Variants in RSPRY1 observed in about 807,000 individuals in gnomAD.
RSPRY1 encodes the protein RING finger and SPRY domain-containing protein 1.
Under a neutral mutation model 73.1 loss-of-function variants are expected in RSPRY1, and 23 were observed. The ratio of observed to expected loss-of-function variants is 0.31; its 90% CI spans 0.23 to 0.45. RSPRY1 has a LOEUF of 0.45. Ranked by LOEUF, RSPRY1 falls within the 20% of genes least tolerant of loss-of-function variation. The pLI, the probability that RSPRY1 is intolerant of heterozygous loss-of-function variation, is 1.00. For missense variants in RSPRY1, 448 were observed against 698.7 expected (o/e 0.64, Z 4.05); for synonymous variants, 226 against 251.4 (o/e 0.90, Z 0.95).
Position 57,239,088 on chromosome 16 carries a change from A to G in RSPRY1, c.*113A>G, listed in dbSNP as rs572575036. The G allele has an allele frequency of 2.3e-6, 1 of 442,730 alleles. No homozygotes were observed. 27.4% of individuals were successfully genotyped at this position (442,730 alleles called of 1,614,324 possible). On this transcript the variant is annotated 3_prime_UTR_variant, in exon 15 of 15. Coordinates refer to ENST00000394420, the MANE Select transcript of RSPRY1 (RefSeq NM_133368.3). ...TGTACACACATTGAAACTTATAGCC[A>G]TGGCCAGATTTTATGCTAAAAATGG...
rs1244659295 is a variant in RSPRY1 at position 57,216,978 on chromosome 16, C to A, written c.844C>A (p.Pro282Thr). 2.5e-6 allele frequency: 4 copies of A among 1,613,858 alleles called. No homozygotes were observed. Among genetic ancestry groups the A allele is most frequent in the Admixed American group, 1.7e-5 (1 of 60,002 alleles). The change falls in exon 8 of 15, where the codon CCT (proline) becomes ACT (threonine). Residue 282 changes from proline to threonine, a missense_variant. Physicochemically the swap from Pro to Thr is conservative, Grantham distance 38 (BLOSUM62 -1). Transcript: ENST00000394420. ...CACATTGGAGTCCTGGGCTAATGATCCTGATTATCTGAAACGTCAAGTTGG... is the reference window on the plus strand; with the variant it reads ...CACATTGGAGTCCTGGGCTAATGATACTGATTATCTGAAACGTCAAGTTGG... ...LVTLESWAND[P>T]DYLKRQVGFC...
At position 57,221,419 on chromosome 16, in the gene RSPRY1, A is replaced by T; in HGVS notation, c.1161+4A>T. Reference sequence around the variant, plus strand: ...AGACAGCAAATTCCTCAATCATGTGAGTACCCTAGAGAACTGTGAAAATGG... The same window carrying T: ...AGACAGCAAATTCCTCAATCATGTGTGTACCCTAGAGAACTGTGAAAATGG... On this transcript the variant is annotated splice_donor_region_variant and intron_variant, in intron 10 of 14. Coordinates refer to ENST00000394420, the MANE Select transcript of RSPRY1 (RefSeq NM_133368.3). 1 of 1,612,764 alleles carries T rather than the reference A, an allele frequency of 6.2e-7. No homozygotes were observed. Among genetic ancestry groups the T allele is most frequent in the Non-Finnish European group, 8.5e-7 (1 of 1,179,474 alleles).
At chr16:57,216,399 T>G (rs2146302819) in intron 7 of RSPRY1, 1 of 488,158 alleles carries the variant, frequency 2.0e-6, no homozygotes, top group African/African-American at 2.0e-5. Flanking sequence ...TCACTTTTTA[T>G]AGCCAAAAAT....
At position 57,213,101 on chromosome 16, in the gene RSPRY1, A is replaced by G. The variant is rs1329885197; in HGVS notation, c.643+3A>G. On this transcript the variant is annotated splice_donor_region_variant and intron_variant, in intron 5 of 14. Coordinates refer to ENST00000394420, the MANE Select transcript of RSPRY1 (RefSeq NM_133368.3). ...CTGCTTGGCCGAGAAACTAGCAGGT[A>G]ACTTTGGGACACTCCACAGTGGAAG... The G allele has an allele frequency of 6.2e-7, 1 of 1,611,524 alleles. No homozygotes were observed. The highest frequency in any genetic ancestry group is 8.5e-7 in the Non-Finnish European group (1 of 1,178,774).
At chr16:57,206,771 C>T (rs1161982888) in intron 2 of RSPRY1, among the ~76,000 whole-genome samples, 1 of 152,144 alleles carries the variant, frequency 6.6e-6, no homozygotes, top group Non-Finnish European at 1.5e-5. Flanking sequence ...TGCCATGTTG[C>T]CCAGGCTGGT....
In RSPRY1 at chr16:57,213,931, C is replaced by G. The variant is rs1197492152; in HGVS notation, c.687C>G (p.Tyr229Ter). The change falls in exon 6 of 15, where the codon TAC (tyrosine) becomes TAG (stop). Residue 229 changes from tyrosine (Y) to a stop codon, truncating the protein, a stop_gained. Coordinates refer to ENST00000394420, the MANE Select transcript of RSPRY1 (RefSeq NM_133368.3). LOFTEE classifies it high-confidence loss of function. ...IGLLSPGILE[Y>*]LLQCLKLQSH... ...TACTTAGCCCAGGAATACTGGAATA[C>G]TTGCTACAGTGTCTGGTAAGTGAGA... is the stretch of plus-strand genomic sequence containing the variant. 1.2e-6 allele frequency: 2 copies of G among 1,607,396 alleles called. No homozygotes were observed. Among genetic ancestry groups the G allele is most frequent in the Non-Finnish European group, 1.7e-6 (2 of 1,173,826 alleles).
At chr16:57,212,478 A>G (rs2146285762) in intron 4 of RSPRY1, among the ~76,000 whole-genome samples, 1 of 152,326 alleles carries the variant, frequency 6.6e-6, no homozygotes, top group East Asian at 1.9e-4. Flanking sequence ...CAACTTAAGC[A>G]TTCTGAATGA....
intron 11 of RSPRY1, among the ~76,000 whole-genome samples, chr16:57,228,258 G>A (rs1443605964): frequency 1.7e-5 from 2 of 120,818 alleles, no homozygotes; most frequent in African/African-American, 3.2e-5. Context: ...GAGCAACAGA[G>A]TGAGACTCCA....
chr16:57,202,418 T>C (rs2074635487), intron 1 of RSPRY1, among the ~76,000 whole-genome samples: 1 of 152,230 alleles, frequency 6.6e-6, no homozygotes, highest in South Asian at 2.1e-4. Context: ...CTGTAGAAAT[T>C]CATTTCAGGG....
Position 57,216,085 on chromosome 16 carries a change from TTTATC to T in RSPRY1, c.703-19_703-15del. The T allele has an allele frequency of 2.6e-6, 4 of 1,562,764 alleles. No homozygotes were observed. Among genetic ancestry groups the T allele is most frequent in the Non-Finnish European group, 3.5e-6 (4 of 1,151,350 alleles). Reference sequence around the variant, plus strand: ...AGGGGAATGATTTTTTTTTTTTTTTTTTATCTTTTGTTGTTTTTCAGAAGTTACAG... The same window carrying T: ...AGGGGAATGATTTTTTTTTTTTTTTTTTTTGTTGTTTTTCAGAAGTTACAG... On this transcript the variant is annotated splice_polypyrimidine_tract_variant and intron_variant, in intron 6 of 14. Coordinates refer to ENST00000394420, the MANE Select transcript of RSPRY1 (RefSeq NM_133368.3).
At chr16:57,228,772 A>G (rs1437653689) in intron 11 of RSPRY1, among the ~76,000 whole-genome samples, 1 of 152,184 alleles carries the variant, frequency 6.6e-6, no homozygotes, top group Non-Finnish European at 1.5e-5. Context: ...TAGCTCATAC[A>G]GCCTTGACCT....
intron 8 of RSPRY1, chr16:57,220,289 C>A (rs2075013664): frequency 1.3e-5 from 2 of 155,522 alleles, no homozygotes. Context: ...CAATCCATGA[C>A]CATGGTATAT....
At chr16:57,188,820 A>G (rs1462050343) in intron 1 of RSPRY1, among the ~76,000 whole-genome samples, 1 of 151,646 alleles carries the variant, frequency 6.6e-6, no homozygotes, top group Non-Finnish European at 1.5e-5. Context: ...CTGCCTTTCG[A>G]AGTAATTTTT....
chr16:57,217,196 C>A (rs1362175199), intron 8 of RSPRY1, among the ~76,000 whole-genome samples, 161 bp downstream of exon 8: 1 of 152,128 alleles, frequency 6.6e-6, no homozygotes, highest in African/African-American at 2.4e-5. Context: ...TCCTAGAGAC[C>A]CTTTAGACAA....
intron 10 of RSPRY1, among the ~76,000 whole-genome samples, chr16:57,224,632 A>AGGACATCTAG (rs550480418): frequency 7.2e-4 from 109 of 152,388 alleles, no homozygotes; most frequent in Admixed American, 2.9e-3. Context: ...GAGAGGGTGT[A>AGGACATCTAG]GGACATCTAG....
intron 4 of RSPRY1, among the ~76,000 whole-genome samples, chr16:57,210,031 C>CTCCT (rs778846693): frequency 7.4e-6 from 1 of 135,698 alleles, no homozygotes; most frequent in African/African-American, 2.7e-5. Flanking sequence ...CTTTCTTTCC[C>CTCCT]TCCCTCCCTC....
chr16:57,191,499 A>G (rs1308020518), intron 1 of RSPRY1, among the ~76,000 whole-genome samples: 1 of 152,186 alleles, frequency 6.6e-6, no homozygotes, highest in Non-Finnish European at 1.5e-5. Context: ...CTCACATGTC[A>G]TATGCAGAAT....
At chr16:57,212,556 T>C (rs1015882907) in intron 4 of RSPRY1, among the ~76,000 whole-genome samples, 20 of 152,160 alleles carry the variant, frequency 1.3e-4, no homozygotes, top group African/African-American at 4.6e-4. Context: ...AATGATATCA[T>C]TAGGGTACAT....
At chr16:57,197,081 G>A (rs1293425324) in intron 1 of RSPRY1, among the ~76,000 whole-genome samples, 3 of 152,168 alleles carry the variant, frequency 2.0e-5, no homozygotes, top group Non-Finnish European at 4.4e-5. Flanking sequence ...TGTAAGCTCA[G>A]TTTTATTGTC....
Sources: gnomAD v4.1 joint callset for allele counts (sites outside exome capture counted in the v4.1 genomes callset) on GRCh38, gnomAD v4.1.1 for gene constraint, MANE v1.5 for transcripts, NCBI Gene and HGNC (gene_info 2026-07-23, HGNC 2026-07-21) for gene names.